DNAH3: variants seen among roughly 807,000 people sequenced by gnomAD.
DNAH3 encodes axonemal beta dynein heavy chain 3.
In DNAH3, 332 loss-of-function variants were observed where a neutral mutation model predicts 432.5. The ratio of observed to expected loss-of-function variants is 0.77; its 90% CI spans 0.70 to 0.84. The LOEUF is 0.84. Among genes scored for constraint, DNAH3 ranks in the 40% least tolerant of loss-of-function variants. The pLI, the probability that DNAH3 is intolerant of heterozygous loss-of-function variation, is 0.00. For synonymous variants in DNAH3, 1,956 were observed against 1,900.2 expected (o/e 1.03, Z -0.76); for missense variants, 4,861 against 5,114.0 (o/e 0.95, Z 1.51).
Position 21,031,050 on chromosome 16 carries a change from T to A in DNAH3, c.5434A>T (p.Lys1812Ter). The A allele has an allele frequency of 6.2e-7, 1 of 1,614,160 alleles. No homozygotes were observed. Among genetic ancestry groups the A allele is most frequent in the Non-Finnish European group, 8.5e-7 (1 of 1,180,004 alleles). ...ATATCAGGGTCAATACTTACCTTTT[T>A]ATTGTCATCCAGAACAGTGTTCATA... Residue 1812 changes from lysine (K) to a stop codon, truncating the protein, a stop_gained, in exon 37 of 62, where the codon AAA (lysine) becomes TAA (stop). Transcript: ENST00000261383. LOFTEE classifies it high-confidence loss of function.
intron 41 of DNAH3, among the ~76,000 whole-genome samples, chr16:21,015,917 T>C (rs548197807): frequency 6.6e-6 from 1 of 152,084 alleles, no homozygotes; most frequent in Non-Finnish European, 1.5e-5. Context: ...GCCTCCTGAG[T>C]AGCTGGGACT....
chr16:21,132,455 G>C (rs889890627), intron 7 of DNAH3, among the ~76,000 whole-genome samples: 1 of 152,108 alleles, frequency 6.6e-6, no homozygotes, highest in Admixed American at 6.6e-5. Context: ...CTTCTTGAAG[G>C]GCTCACTAAA....
intron 33 of DNAH3, among the ~76,000 whole-genome samples, chr16:21,039,305 G>C (rs764264015): frequency 2.2e-5 from 3 of 139,078 alleles, no homozygotes; most frequent in African/African-American, 8.2e-5. Context: ...TGCAGCCTCC[G>C]CCTCCACGGT....
At chr16:21,009,137 A>C (rs1313975618) in intron 41 of DNAH3, among the ~76,000 whole-genome samples, 1 of 152,266 alleles carries the variant, frequency 6.6e-6, no homozygotes, top group Non-Finnish European at 1.5e-5. Flanking sequence ...ATGAGTATGC[A>C]ACACCATCTG....
chr16:21,000,133 A>C, intron 43 of DNAH3, 91 bp downstream of exon 43: 3 of 1,326,382 alleles, frequency 2.3e-6, no homozygotes, highest in Non-Finnish European at 3.2e-6. Context: ...GAGTAAAGGT[A>C]TGTACAGTGG....
rs373026375 is a variant in DNAH3, at chr16:20,987,803, C to G, written c.6772G>C (p.Ala2258Pro). 7.4e-6 allele frequency: 12 copies of G among 1,613,976 alleles called. No individual in the cohort carries two copies. In the South Asian group the frequency reaches 1.3e-4, roughly 18 times the overall value. The change falls in exon 46 of 62, where the codon GCA (alanine) becomes CCA (proline). Residue 2258 changes from alanine (A) to proline (P), a missense_variant. Physicochemically the swap from Ala to Pro is conservative, Grantham distance 27. Coordinates refer to ENST00000261383, the Ensembl canonical transcript of DNAH3. ...GGAGTTGGCAAGAAGTTCTCCACTG[C>G]ATCTCTATAAATTGTCTTAGTAGCT... is the stretch of plus-strand genomic sequence containing the variant.
chr16:21,127,791 A>G (rs1337208357), exon 8 of DNAH3: 1 of 1,614,132 alleles, frequency 6.2e-7, no homozygotes, highest in Non-Finnish European at 8.5e-7. Context: ...CTGCTGTTCG[A>G]ACAAACCTGA....
intron 31 of DNAH3, among the ~76,000 whole-genome samples, chr16:21,046,963 G>T (rs1189007760): frequency 2.0e-5 from 3 of 151,328 alleles, no homozygotes; most frequent in Non-Finnish European, 3.0e-5. Context: ...ATGAAATTCT[G>T]GGTTGAAAAT....
At chr16:20,965,116 T>A (rs146232635) in exon 53 of DNAH3, 5 of 1,614,164 alleles carry the variant, frequency 3.1e-6, no homozygotes, top group Non-Finnish European at 4.2e-6. Flanking sequence ...TCTTTTCTGG[T>A]TCAGCTTCTG....
At chr16:21,048,554 C>A (rs961013133) in intron 31 of DNAH3, among the ~76,000 whole-genome samples, 130 of 152,298 alleles carry the variant, frequency 8.5e-4, no homozygotes, top group Admixed American at 1.7e-3. Context: ...GTGCACGCAC[C>A]CACTGACCTG....
intron 12 of DNAH3, among the ~76,000 whole-genome samples, chr16:21,114,543 A>T (rs1184098896): frequency 6.6e-6 from 1 of 152,210 alleles, no homozygotes; most frequent in Non-Finnish European, 1.5e-5. Context: ...TGGAACTGTC[A>T]ATCCAGAAAG....
At chr16:20,997,777 T>C (rs2086826157) in intron 43 of DNAH3, among the ~76,000 whole-genome samples, 1 of 149,822 alleles carries the variant, frequency 6.7e-6, no homozygotes, top group African/African-American at 2.5e-5. Context: ...GGCAGGCAGA[T>C]TGCTTGAGCT....
chr16:20,982,012 ATAAT>A (rs1029066919), intron 49 of DNAH3, among the ~76,000 whole-genome samples: 17 of 147,920 alleles, frequency 1.1e-4, no homozygotes, highest in East Asian at 5.8e-4. Context: ...TATAATATAT[ATAAT>A]TAAGTATATA....
At chr16:21,048,769 T>C (rs13337761) in intron 31 of DNAH3, among the ~76,000 whole-genome samples, 54,304 of 151,090 alleles carry the variant, frequency 0.36, 9,977 homozygotes, top group South Asian at 0.53. Flanking sequence ...TCTTGGCTCA[T>C]TGCAACCTCC....
intron 16 of DNAH3, chr16:21,103,958 A>G (rs758990874): frequency 6.4e-6 from 1 of 156,442 alleles, no homozygotes; most frequent in South Asian, 2.0e-4. Context: ...TGTCTAGAAC[A>G]GAGCATAGCA....
At position 21,115,717 on chromosome 16, in the gene DNAH3, AAAAT is replaced by A. The variant is rs752520486; in HGVS notation, c.1814+1482_1814+1485del. Among the ~76,000 whole-genome samples, 630 of 141,608 alleles carry A rather than the reference AAAAT, an allele frequency of 4.4e-3. 4 individuals carry two copies. Among genetic ancestry groups the A allele is most frequent in the Non-Finnish European group, 7.0e-3 (449 of 64,326 alleles). The allele number at this position is 141,608 out of a possible 152,430, so 92.9% of individuals were successfully genotyped here. A position where few individuals can be genotyped will look rare whatever the true frequency, so the allele number is the denominator to read the frequency against. On this transcript the variant is annotated intron_variant, in intron 12 of 61. Transcript: ENST00000261383. ...GCGAGATGCCATCTCAAAAAATAAT[AAAAT>A]AAATAAAATAAAATAAAATAAAATA...
At chr16:21,086,727 T>A in intron 19 of DNAH3, 122 bp downstream of exon 19, 1 of 871,712 alleles carries the variant, frequency 1.1e-6, no homozygotes, top group South Asian at 1.6e-5. Flanking sequence ...CCCTTTGCCC[T>A]TAAATAGAGT....
intron 34 of DNAH3, 129 bp downstream of exon 34, chr16:21,037,632 T>C: frequency 1.4e-6 from 1 of 693,934 alleles, no homozygotes; most frequent in Non-Finnish European, 2.5e-6. Flanking sequence ...GCAGGGAGGG[T>C]ATCAGGTGGC....
chr16:21,046,986 GA>G (rs2089729723), intron 31 of DNAH3, among the ~76,000 whole-genome samples: 1 of 151,896 alleles, frequency 6.6e-6, no homozygotes, highest in South Asian at 2.1e-4. Flanking sequence ...TTTTCTTTAA[GA>G]ATGTTGAATA....
Sources: gnomAD v4.1 joint callset for allele counts (sites outside exome capture counted in the v4.1 genomes callset) on GRCh38, gnomAD v4.1.1 for gene constraint, MANE v1.5 for transcripts, NCBI Gene and HGNC (gene_info 2026-07-23, HGNC 2026-07-21) for gene names.